The following SCUBE2 variants were observed in gnomAD, a reference collection of about 807,000 sequenced individuals.
SCUBE2 encodes the protein signal peptide, CUB domain and EGF like domain containing 2.
In SCUBE2, 114 loss-of-function variants were observed where a neutral mutation model predicts 125.9. The ratio of observed to expected loss-of-function variants is 0.91; its 90% confidence interval spans 0.78 to 1.06. SCUBE2 has a LOEUF of 1.06. SCUBE2 is among the 50% of genes least tolerant of loss of function. The probability of loss-of-function intolerance (pLI) is 0.00; values close to 1 mark genes in which losing one functional copy is unlikely to be tolerated. For synonymous variants in SCUBE2, 459 were observed against 492.9 expected (o/e 0.93, Z 0.91); for missense variants, 1,255 against 1,301.8 (o/e 0.96, Z 0.55).
chr11:9,075,398 T>G (rs1018770050), intron 3 of SCUBE2, among the ~76,000 whole-genome samples: 9 of 151,906 alleles, frequency 5.9e-5, no homozygotes, highest in African/African-American at 1.7e-4. Flanking sequence ...CAATTATAAA[T>G]CAGGAAAGAA....
At chr11:9,038,930 C>G (rs1201956217) in intron 16 of SCUBE2, among the ~76,000 whole-genome samples, 2 of 152,008 alleles carry the variant, frequency 1.3e-5, no homozygotes, top group Non-Finnish European at 2.9e-5. Context: ...GGGTTGCGCT[C>G]TGTTACCCAG....
rs1401664992 is a variant in SCUBE2 at position 9,025,837 on chromosome 11, T to C, written c.2719A>G (p.Thr907Ala). Residue 907 changes from threonine (T) to alanine (A), a missense_variant, in exon 21 of 23, where the codon ACA becomes GCA. By Grantham distance (58) the Thr-to-Ala change is moderately conservative. This residue lies in a region of SCUBE2 where 515 missense variants were observed against 515.7 expected (regional missense o/e 1.00). Coordinates refer to ENST00000649792, the MANE Select transcript of SCUBE2 (RefSeq NM_001367977.2). ...TAGGTCTGGCAGGTTTCATATGTTG[T>C]CACAGAATTGGATGAAGCTGCCAAG... Reference protein sequence around the residue: ...MRKTSSSNSVTTYETCQTYER... With the variant: ...MRKTSSSNSVATYETCQTYER... The C allele has an allele frequency of 2.5e-6, 4 of 1,613,978 alleles. No individual in the cohort carries two copies. Among genetic ancestry groups the C allele is most frequent in the Non-Finnish European group, 3.4e-6 (4 of 1,179,928 alleles).
intron 22 of SCUBE2, 49 bp downstream of exon 22, chr11:9,021,827 C>G: frequency 7.3e-7 from 1 of 1,374,222 alleles, no homozygotes; most frequent in South Asian, 1.2e-5. Flanking sequence ...CAACAGTACT[C>G]GGGAAGCTCT....
At chr11:9,084,616 T>C (rs985649955) in intron 2 of SCUBE2, among the ~76,000 whole-genome samples, 3 of 152,198 alleles carry the variant, frequency 2.0e-5, no homozygotes, top group Non-Finnish European at 2.9e-5. Context: ...TCATCAAGAA[T>C]GGGACATGTT....
At chr11:9,086,397 G>C (rs1229852185) in intron 2 of SCUBE2, among the ~76,000 whole-genome samples, 2 of 152,142 alleles carry the variant, frequency 1.3e-5, no homozygotes, top group African/African-American at 4.8e-5. Flanking sequence ...ACCATAGGTT[G>C]GTCCCAAGAG....
At chr11:9,088,385 G>A (rs1181271115) in intron 2 of SCUBE2, among the ~76,000 whole-genome samples, 3 of 152,236 alleles carry the variant, frequency 2.0e-5, no homozygotes, top group Non-Finnish European at 4.4e-5. Context: ...CTACTTGGGA[G>A]GCTGAGGCAG....
At chr11:9,060,588 T>A (rs1859581233) in intron 7 of SCUBE2, 64 bp from the exon 8 acceptor site, 1 of 1,377,576 alleles carries the variant, frequency 7.3e-7, no homozygotes, top group South Asian at 1.2e-5. Flanking sequence ...CTGACGAAGG[T>A]CACAGAAGCC....
At chr11:9,052,341 A>G (rs889514870) in intron 13 of SCUBE2, among the ~76,000 whole-genome samples, 2 of 152,240 alleles carry the variant, frequency 1.3e-5, no homozygotes, top group African/African-American at 4.8e-5. Flanking sequence ...CTTTTGACAA[A>G]CAGGAAAGGG....
intron 14 of SCUBE2, chr11:9,050,195 T>A (rs1357395394): frequency 6.0e-6 from 1 of 167,872 alleles, no homozygotes; most frequent in Non-Finnish European, 1.3e-5. Flanking sequence ...GGATATTAGA[T>A]CTTTGTTCAT....
rs1276361224 is a variant in SCUBE2 at position 9,079,621 on chromosome 11, T to G, written c.257-112A>C. ...AGGAATCTACCTGAAAATACATCCCTAACAATAGGAAAACAAATACGCACA... is the reference window on the plus strand; with the variant it reads ...AGGAATCTACCTGAAAATACATCCCGAACAATAGGAAAACAAATACGCACA... On this transcript the variant is annotated intron_variant, in intron 2 of 22. Coordinates refer to ENST00000649792, the MANE Select transcript of SCUBE2 (RefSeq NM_001367977.2). The G allele has an allele frequency of 1.6e-5, 18 of 1,125,112 alleles. No homozygotes were observed. In the East Asian group the frequency reaches 4.1e-4, roughly 26 times the overall value. The allele number at this position is 1,125,112 out of a possible 1,614,324, so 69.7% of individuals were successfully genotyped here.
rs372429819 is a variant in SCUBE2 at position 9,074,603 on chromosome 11, C to T, written c.395G>A (p.Cys132Tyr). The change falls in exon 4 of 23, where the codon TGC becomes TAC. Residue 132 changes from cysteine to tyrosine, a missense_variant. By Grantham distance (194) the Cys-to-Tyr change is radical (BLOSUM62 -2). Around this residue, in one of 3 missense-constraint regions of SCUBE2, gnomAD observed 362 missense variants for 323.0 expected, o/e 1.12. Coordinates refer to ENST00000649792, the MANE Select transcript of SCUBE2 (RefSeq NM_001367977.2). ...CTGGCAGCCGCCATTGTTCTCCAGG[C>T]ACTCGTCCACATCTGGAAGGAGAGA... Reference protein sequence around the residue: ...DGHNCLDVDECLENNGGCQHT... With the variant: ...DGHNCLDVDEYLENNGGCQHT... The T allele has an allele frequency of 6.2e-7, 1 of 1,614,110 alleles. No homozygotes were observed. Among genetic ancestry groups the T allele is most frequent in the Non-Finnish European group, 8.5e-7 (1 of 1,180,034 alleles).
In SCUBE2 at chr11:9,047,949, C is replaced by G. The variant is rs781264795; in HGVS notation, c.1789G>C (p.Val597Leu). Reference sequence around the variant, plus strand: ...AGACTGTTTTCAAACCAACCTGTCACCTCCTTTTGGTTAGTTTCAAGCTCA... The same window carrying G: ...AGACTGTTTTCAAACCAACCTGTCAGCTCCTTTTGGTTAGTTTCAAGCTCA... ...EFELETNQKEVTASCDLSCIV... is the reference protein window; with the variant it reads ...EFELETNQKELTASCDLSCIV... Residue 597 changes from valine (V) to leucine (L), a missense_variant, in exon 15 of 23, where the codon GTG becomes CTG. Val to Leu is a conservative substitution (Grantham distance 32). Around this residue, in one of 3 missense-constraint regions of SCUBE2, gnomAD observed 378 missense variants for 463.1 expected, o/e 0.82. Transcript: ENST00000649792. The G allele has an allele frequency of 1.4e-5, 23 of 1,610,120 alleles. No homozygotes were observed. The East Asian group carries it at 5.1e-4, about 36-fold the overall frequency.
intron 2 of SCUBE2, 94 bp from the exon 3 acceptor site, chr11:9,079,603 T>C: frequency 1.6e-6 from 2 of 1,259,136 alleles, no homozygotes; most frequent in Non-Finnish European, 2.2e-6. Flanking sequence ...TCTAGGAATC[T>C]ACCTGAAAAT....
intron 21 of SCUBE2, chr11:9,024,316 G>A: frequency 8.2e-7 from 1 of 1,212,936 alleles, no homozygotes; most frequent in Non-Finnish European, 1.1e-6. Flanking sequence ...GAGGCTCTCT[G>A]TCTCTCTCAG....
chr11:9,042,588 C>G (rs891156573), intron 16 of SCUBE2, among the ~76,000 whole-genome samples: 25 of 152,112 alleles, frequency 1.6e-4, no homozygotes, highest in Non-Finnish European at 2.9e-4. Context: ...CTCTCAAGAG[C>G]CTATTTTTTT....
intron 9 of SCUBE2, among the ~76,000 whole-genome samples, chr11:9,056,606 G>A (rs758336301): frequency 7.9e-5 from 12 of 152,212 alleles, no homozygotes; most frequent in African/African-American, 2.4e-5. Flanking sequence ...TCCTGGTTCA[G>A]TGTGGAAGCC....
chr11:9,052,779 T>C lies in SCUBE2; in HGVS notation c.1501A>G (p.Lys501Glu), dbSNP rs1858552332. Residue 501 changes from lysine (K) to glutamate (E), a missense_variant, in exon 13 of 23, where the codon AAA (lysine) becomes GAA (glutamate). Lys to Glu is a moderately conservative substitution (Grantham distance 56). Transcript: ENST00000649792. Reference protein sequence around the residue: ...TCGSSSPLRNKQQKSNDSAFG... With the variant: ...TCGSSSPLRNEQQKSNDSAFG... ...GCAGAGTCATTTGATTTTTGTTGTT[T>C]GTTCCTGAGAGGAGAGGAAGAGCCA... 11 of 1,537,074 alleles carry C rather than the reference T, an allele frequency of 7.2e-6. No individual in the cohort carries two copies. The Admixed American group carries it at 7.8e-5, about 11-fold the overall frequency.
chr11:9,071,269 A>G (rs1266836798), intron 4 of SCUBE2, among the ~76,000 whole-genome samples: 1 of 152,228 alleles, frequency 6.6e-6, no homozygotes, highest in Non-Finnish European at 1.5e-5. Flanking sequence ...GACTGTTAAG[A>G]CATTTGCAAA....
intron 16 of SCUBE2, among the ~76,000 whole-genome samples, chr11:9,038,649 C>CA (rs75461375): frequency 2.4e-4 from 36 of 151,810 alleles, no homozygotes; most frequent in Non-Finnish European, 4.0e-4. Context: ...AAAACAACAA[C>CA]AAAAAAAAAC....
Sources: allele counts gnomAD v4.1 joint callset (sites outside exome capture counted in the v4.1 genomes callset), GRCh38; gene constraint gnomAD v4.1.1; regional missense constraint gnomAD v4.1.1; transcripts MANE v1.5; gene names NCBI Gene and HGNC (gene_info 2026-07-23, HGNC 2026-07-21).